PTPRR: variants seen among roughly 807,000 people sequenced by gnomAD.
The protein encoded by PTPRR is protein tyrosine phosphatase receptor type R.
A neutral mutation model predicts 77.2 loss-of-function variants in PTPRR; 38 were observed. That is an observed-to-expected ratio of 0.49 (90% CI 0.38 to 0.65). The LOEUF is 0.65. Ranked by LOEUF, PTPRR falls within the 30% of genes least tolerant of loss-of-function variation. PTPRR has a pLI of 0.00. For synonymous variants in PTPRR, 299 were observed against 283.1 expected, an observed-to-expected ratio of 1.06 and a Z score of -0.57; for missense variants, 744 against 799.2, an observed-to-expected ratio of 0.93 and a Z score of 0.83.
chr12:70,783,864 G>T (rs1484100796), intron 2 of PTPRR, among the ~76,000 whole-genome samples: 3 of 35,688 alleles, frequency 8.4e-5, no homozygotes, highest in African/African-American at 1.5e-4. Flanking sequence ...TGGGGGGGAC[G>T]GGGGGGGGGG....
chr12:70,753,877 C>T (rs950589278), intron 5 of PTPRR, among the ~76,000 whole-genome samples: 4 of 152,050 alleles, frequency 2.6e-5, no homozygotes, highest in Non-Finnish European at 4.4e-5. Flanking sequence ...AAAGTGTGCC[C>T]GTGAGACTTT....
At chr12:70,901,105 C>A (rs1336554045) in intron 1 of PTPRR, among the ~76,000 whole-genome samples, 1 of 151,352 alleles carries the variant, frequency 6.6e-6, no homozygotes, top group Non-Finnish European at 1.5e-5. Context: ...TGTTGGTATG[C>A]AAAAAGTTTT....
At chr12:70,808,937 G>T (rs936153372) in intron 2 of PTPRR, among the ~76,000 whole-genome samples, 1 of 152,052 alleles carries the variant, frequency 6.6e-6, no homozygotes, top group African/African-American at 2.4e-5. Flanking sequence ...CTCTTTTCCT[G>T]TCCTACAACT....
chr12:70,696,693 G>A (rs1204477186), intron 8 of PTPRR, among the ~76,000 whole-genome samples: 2 of 151,852 alleles, frequency 1.3e-5, no homozygotes, highest in Non-Finnish European at 2.9e-5. Context: ...ACAGAGCTGT[G>A]CAACAATCAC....
intron 5 of PTPRR, 41 bp from the exon 6 acceptor site, chr12:70,746,127 A>G: frequency 6.4e-7 from 1 of 1,562,674 alleles, no homozygotes; most frequent in African/African-American, 1.4e-5. Flanking sequence ...ACATTTTCTC[A>G]CACTAAACAA....
intron 2 of PTPRR, among the ~76,000 whole-genome samples, chr12:70,780,180 C>T (rs969152277): frequency 2.0e-5 from 3 of 151,954 alleles, no homozygotes; most frequent in African/African-American, 4.8e-5. Flanking sequence ...TTAGTAGAGA[C>T]GGGGTTTCAC....
chr12:70,907,646 G>A (rs1392797158), intron 1 of PTPRR, among the ~76,000 whole-genome samples: 1 of 152,012 alleles, frequency 6.6e-6, no homozygotes, highest in Admixed American at 6.6e-5. Context: ...CAATTAAAAC[G>A]GTACCTTGGG....
intron 13 of PTPRR, among the ~76,000 whole-genome samples, chr12:70,649,892 G>C (rs1156962659): frequency 2.0e-5 from 3 of 152,028 alleles, no homozygotes; most frequent in Non-Finnish European, 4.4e-5. Flanking sequence ...CTTTTTAGGG[G>C]TCCAGGTTCA....
intron 2 of PTPRR, among the ~76,000 whole-genome samples, chr12:70,853,682 C>A (rs1263880400): frequency 1.3e-5 from 2 of 152,164 alleles, no homozygotes; most frequent in African/African-American, 4.8e-5. Flanking sequence ...AGGACATGGA[C>A]CCATCTCTGG....
At chr12:70,895,628 C>T (rs6581971) in intron 1 of PTPRR, among the ~76,000 whole-genome samples, 128,701 of 151,452 alleles carry the variant, frequency 0.85, 55,105 homozygotes, top group African/African-American at 0.93. Context: ...CAGAGCTACC[C>T]GGGACATGAT....
chr12:70,808,365 C>T (rs553216296), intron 2 of PTPRR, among the ~76,000 whole-genome samples: 2 of 152,070 alleles, frequency 1.3e-5, no homozygotes, highest in African/African-American at 2.4e-5. Flanking sequence ...TTTTGTTGCC[C>T]TTAAAGCATG....
chr12:70,765,762 C>T (rs1027611580), intron 2 of PTPRR, among the ~76,000 whole-genome samples: 6 of 152,168 alleles, frequency 3.9e-5, no homozygotes, highest in African/African-American at 9.6e-5. Flanking sequence ...GAGGCACCCC[C>T]CCAGAAGGGG....
At chr12:70,834,949 T>C (rs1267608380) in intron 2 of PTPRR, among the ~76,000 whole-genome samples, 1 of 152,140 alleles carries the variant, frequency 6.6e-6, no homozygotes, top group African/African-American at 2.4e-5. Flanking sequence ...GAAAAGAGCA[T>C]TGACTTACAA....
intron 12 of PTPRR, among the ~76,000 whole-genome samples, chr12:70,659,923 C>T (rs1187604275): frequency 6.6e-6 from 1 of 151,792 alleles, no homozygotes; most frequent in Non-Finnish European, 1.5e-5. Context: ...CTTGTAATCC[C>T]AGCACTTTGG....
At chr12:70,738,021 C>T (rs1407349361) in intron 6 of PTPRR, among the ~76,000 whole-genome samples, 1 of 152,170 alleles carries the variant, frequency 6.6e-6, no homozygotes, top group Non-Finnish European at 1.5e-5. Context: ...TACATCAGGA[C>T]ATTCTGCCTT....
chr12:70,821,942 G>T (rs543724753), intron 2 of PTPRR, among the ~76,000 whole-genome samples: 1 of 152,304 alleles, frequency 6.6e-6, no homozygotes, highest in East Asian at 1.9e-4. Context: ...GGGATTACAG[G>T]CATGAGCCAC....
chr12:70,854,789 T>G (rs1221146485), intron 2 of PTPRR, among the ~76,000 whole-genome samples: 1 of 152,220 alleles, frequency 6.6e-6, no homozygotes. Flanking sequence ...AATGAAATAG[T>G]ACTTACTAGG....
intron 2 of PTPRR, among the ~76,000 whole-genome samples, chr12:70,773,803 G>A (rs1346600833): frequency 2.0e-5 from 3 of 152,146 alleles, no homozygotes; most frequent in African/African-American, 4.8e-5. Flanking sequence ...GTACACAAGT[G>A]TTTGCTACAT....
intron 2 of PTPRR, among the ~76,000 whole-genome samples, chr12:70,806,193 G>C (rs1891706336): frequency 6.6e-6 from 1 of 152,074 alleles, no homozygotes; most frequent in African/African-American, 2.4e-5. Context: ...ATGTATATTG[G>C]CTGCCTGTTT....
Sources: allele counts gnomAD v4.1 joint callset (sites outside exome capture counted in the v4.1 genomes callset), GRCh38; gene constraint gnomAD v4.1.1; transcripts MANE v1.5; gene names NCBI Gene and HGNC (gene_info 2026-07-23, HGNC 2026-07-21).